SLC6A7: variants seen among roughly 807,000 people sequenced by gnomAD.
SLC6A7 encodes solute carrier family 6 member 7.
SLC6A7 carries 58 observed loss-of-function variants against 73.1 expected under a neutral mutation model. The ratio of observed to expected loss-of-function variants is 0.79; its 90% CI spans 0.64 to 0.99. The LOEUF is 0.99. Among genes scored for constraint, SLC6A7 ranks in the 50% least tolerant of loss-of-function variants. The pLI, the probability that SLC6A7 is intolerant of heterozygous loss-of-function variation, is 0.00. For synonymous variants in SLC6A7, 338 were observed against 338.7 expected (o/e 1.00, Z 0.02); for missense variants, 783 against 831.4 (o/e 0.94, Z 0.72).
chr5:150,200,982 T>C (rs970005404), intron 5 of SLC6A7, 107 bp from the exon 6 acceptor site: 3 of 1,212,482 alleles, frequency 2.5e-6, no homozygotes, highest in African/African-American at 3.0e-5. Flanking sequence ...GGTTCCTGGC[T>C]TGGGCTACCC....
At position 150,197,251 on chromosome 5, in the gene SLC6A7, G is replaced by A. The variant is rs751145236; in HGVS notation, c.559G>A (p.Val187Ile). ...CCTGCCCCTCAACCTCACCTGCACCGTCAGCCCCAGCGAGGAGTACTGGAG... is the reference window on the plus strand; with the variant it reads ...CCTGCCCCTCAACCTCACCTGCACCATCAGCCCCAGCGAGGAGTACTGGAG... ...GALPLNLTCT[V>I]SPSEEYWSRY... Residue 187 changes from valine to isoleucine, a missense_variant, in exon 4 of 14, where the codon GTC becomes ATC. Transcript: ENST00000230671. 8.1e-6 allele frequency: 13 copies of A among 1,610,694 alleles called. No individual in the cohort carries two copies. The highest frequency in any genetic ancestry group is 2.2e-5 in the South Asian group (2 of 90,664).
chr5:150,195,393 A>G (rs1752972148), intron 2 of SLC6A7, among the ~76,000 whole-genome samples: 1 of 152,034 alleles, frequency 6.6e-6, no homozygotes, highest in Non-Finnish European at 1.5e-5. Flanking sequence ...CTCCCATCTT[A>G]AACAAATTTC....
chr5:150,193,792 C>T (rs149012983), intron 1 of SLC6A7, among the ~76,000 whole-genome samples: 200 of 152,294 alleles, frequency 1.3e-3, no homozygotes, highest in African/African-American at 4.3e-3. Flanking sequence ...CTGCATCTTT[C>T]TTAAAATATG....
intron 5 of SLC6A7, 76 bp downstream of exon 5, chr5:150,199,442 T>A: frequency 1.0e-6 from 1 of 992,984 alleles, no homozygotes; most frequent in Non-Finnish European, 1.5e-6. Flanking sequence ...GGGCTTGGAC[T>A]GAGCATGAGA....
chr5:150,205,233 A>C (rs2342278), intron 12 of SLC6A7, among the ~76,000 whole-genome samples: 152,323 of 152,328 alleles, frequency 1, 76,159 homozygotes, highest in Middle Eastern at 1. Context: ...TGCCTCAGAA[A>C]TGGCTTGTGC....
chr5:150,194,483 A>G (rs1212177052), intron 1 of SLC6A7, among the ~76,000 whole-genome samples: 1 of 151,658 alleles, frequency 6.6e-6, no homozygotes, highest in Non-Finnish European at 1.5e-5. Flanking sequence ...TGTGTTAGCC[A>G]GACTAAGGTC....
At chr5:150,197,615 T>C (rs1303021690) in intron 4 of SLC6A7, among the ~76,000 whole-genome samples, 1 of 151,748 alleles carries the variant, frequency 6.6e-6, no homozygotes, top group African/African-American at 2.4e-5. Flanking sequence ...CTGAGAATGA[T>C]GATGATGATG....
At chr5:150,196,650 G>T in intron 2 of SLC6A7, 66 bp from the exon 3 acceptor site, 2 of 1,525,560 alleles carry the variant, frequency 1.3e-6, no homozygotes, top group Non-Finnish European at 8.9e-7. Context: ...GGGAGGGGCG[G>T]GGCTAGAGCT....
chr5:150,209,043 G>A (rs1013347566), intron 13 of SLC6A7, among the ~76,000 whole-genome samples: 1 of 152,234 alleles, frequency 6.6e-6, no homozygotes, highest in Non-Finnish European at 1.5e-5. Flanking sequence ...TATAGCAACA[G>A]CCGCCACTTC....
Position 150,199,357 on chromosome 5 carries a change from T to C in SLC6A7, c.714T>C (p.Ser238=). ...VFLCILKGVK[S]SGKVVYFTAT... The stretch of plus-strand genomic sequence containing the variant: ...TCTGTATCCTCAAGGGTGTGAAGTC[T>C]TCGGGCAAGGTGAAGCCTGGGAGGC... The change falls in exon 5 of 14, where the codon TCT becomes TCC. Residue 238 remains serine, a synonymous_variant. Coordinates refer to ENST00000230671, the MANE Select transcript of SLC6A7 (RefSeq NM_014228.5). The C allele has an allele frequency of 1.2e-6, 2 of 1,613,042 alleles. No homozygotes were observed. Among genetic ancestry groups the C allele is most frequent in the Non-Finnish European group, 1.7e-6 (2 of 1,179,426 alleles).
At chr5:150,205,748 T>G in intron 13 of SLC6A7, 125 bp downstream of exon 13, 1 of 840,104 alleles carries the variant, frequency 1.2e-6, no homozygotes, top group Non-Finnish European at 1.8e-6. Flanking sequence ...TGAGGAGACT[T>G]GCCTGGGCTG....
In SLC6A7 at chr5:150,201,896, G is replaced by A. The variant is rs6881185; in HGVS notation, c.859-451G>A. ...AAGTAGGCACTATTCCTATCCCCTC[G>A]TTACAGATAGGGATCCTGCGGTCCA... On this transcript the variant is annotated intron_variant, in intron 6 of 13. Transcript: ENST00000230671. Among the ~76,000 whole-genome samples the A allele has an allele frequency of 3.9e-3, 601 of 152,190 alleles. 7 individuals are homozygous for A. Among genetic ancestry groups the A allele is most frequent in the African/African-American group, 0.014 (564 of 41,514 alleles).
chr5:150,205,586 T>C lies in SLC6A7; in HGVS notation c.1664T>C (p.Leu555Pro). ...LSCLMIPAGM[L>P]VAVLREEGSL... Reference sequence around the variant, plus strand: ...TGCCTCATGATCCCAGCTGGCATGCTGGTGGCTGTGCTTCGAGAAGAGGGC... The same window carrying C: ...TGCCTCATGATCCCAGCTGGCATGCCGGTGGCTGTGCTTCGAGAAGAGGGC... Residue 555 changes from leucine to proline, a missense_variant, in exon 13 of 14, where the codon CTG becomes CCG. Transcript: ENST00000230671. 6.2e-7 allele frequency: 1 copy of C among 1,613,232 alleles called. No homozygotes were observed. Among genetic ancestry groups the C allele is most frequent in the Non-Finnish European group, 8.5e-7 (1 of 1,179,648 alleles).
chr5:150,209,509 A>G lies in SLC6A7; in HGVS notation c.1805A>G (p.Lys602Arg). 6.2e-7 allele frequency: 1 copy of G among 1,614,194 alleles called. No homozygotes were observed. Among genetic ancestry groups the G allele is most frequent in the African/African-American group, 1.3e-5 (1 of 75,084 alleles). ...VATLAGSQSPKPLMVHMRKYG... is the reference protein window; with the variant it reads ...VATLAGSQSPRPLMVHMRKYG... Reference sequence around the variant, plus strand: ...ACGCTGGCTGGGAGCCAGTCACCAAAGCCACTGATGGTGCACATGCGCAAG... The same window carrying G: ...ACGCTGGCTGGGAGCCAGTCACCAAGGCCACTGATGGTGCACATGCGCAAG... The change falls in exon 14 of 14, where the codon AAG becomes AGG. Residue 602 changes from lysine (K) to arginine (R), a missense_variant. Physicochemically the swap from Lys to Arg is conservative, Grantham distance 26. Coordinates refer to ENST00000230671, the MANE Select transcript of SLC6A7 (RefSeq NM_014228.5).
rs765121125 is a variant in SLC6A7, at chr5:150,204,627, G to A, written c.1428G>A (p.Val476=). The A allele has an allele frequency of 8.7e-6, 14 of 1,607,492 alleles. No homozygotes were observed. The highest frequency in any genetic ancestry group is 4.0e-5 in the African/African-American group (3 of 74,838). The change falls in exon 11 of 14, where the codon GTG becomes GTA. Residue 476 remains valine, a synonymous_variant. Coordinates refer to ENST00000230671, the MANE Select transcript of SLC6A7 (RefSeq NM_014228.5). Reference sequence around the variant, plus strand: ...CCACGTGCCTTGCCGTGACACGGGTGTATGGTGAGAAGAGCCGTGGGAAGT... The same window carrying A: ...CCACGTGCCTTGCCGTGACACGGGTATATGGTGAGAAGAGCCGTGGGAAGT... ...VITTCLAVTR[V]YGIQRFCRDI... is the part of the protein sequence containing the mutation.
In SLC6A7 at chr5:150,201,184, C is replaced by T; in HGVS notation, c.819C>T (p.Phe273=). 1 of 1,613,590 alleles carries T rather than the reference C, an allele frequency of 6.2e-7. No individual in the cohort carries two copies. Among genetic ancestry groups the T allele is most frequent in the Non-Finnish European group, 8.5e-7 (1 of 1,179,758 alleles). Residue 273 remains phenylalanine, a synonymous_variant, in exon 6 of 14, where the codon TTC becomes TTT. Transcript: ENST00000230671. The part of the protein sequence containing the change: ...TLPGAWKGIQ[F]YLTPQFHHLL... ...CAGGGGCCTGGAAGGGCATCCAGTT[C>T]TATCTCACCCCCCAGTTCCACCACT...
At chr5:150,205,709 AC>A in intron 13 of SLC6A7, 86 bp downstream of exon 13, 1 of 1,179,174 alleles carries the variant, frequency 8.5e-7, no homozygotes, top group Non-Finnish European at 1.2e-6. Flanking sequence ...AAACATATGC[AC>A]CCACCCCTTA....
intron 2 of SLC6A7, 72 bp downstream of exon 2, chr5:150,194,983 A>G: frequency 2.2e-6 from 3 of 1,377,324 alleles, no homozygotes; most frequent in Non-Finnish European, 3.0e-6. Context: ...GTGAGCTTTT[A>G]GGTGGCCTCA....
At chr5:150,207,138 T>C (rs1027725866) in intron 13 of SLC6A7, among the ~76,000 whole-genome samples, 2 of 152,218 alleles carry the variant, frequency 1.3e-5, no homozygotes, top group Non-Finnish European at 2.9e-5. Flanking sequence ...TCTGTCTTTA[T>C]TTTTATTTTA....
Sources: gnomAD v4.1 joint callset for allele counts (sites outside exome capture counted in the v4.1 genomes callset) on GRCh38, gnomAD v4.1.1 for gene constraint, MANE v1.5 for transcripts, NCBI Gene and HGNC (gene_info 2026-07-23, HGNC 2026-07-21) for gene names.